MTA3: variants seen among roughly 807,000 people sequenced by gnomAD.
The protein encoded by MTA3 is metastasis-associated protein MTA3.
A neutral mutation model predicts 83.5 loss-of-function variants in MTA3; 34 were observed. That is an observed-to-expected ratio of 0.41 (90% CI 0.31 to 0.54). MTA3 has a LOEUF of 0.54. MTA3 is among the 20% of genes least tolerant of loss of function. The pLI is 0.33. For missense variants in MTA3, 761 were observed against 726.4 expected (o/e 1.05, Z -0.55); for synonymous variants, 303 against 252.7 (o/e 1.20, Z -1.89).
At chr2:42,596,025 A>T (rs1681750552) in intron 3 of MTA3, among the ~76,000 whole-genome samples, 1 of 152,234 alleles carries the variant, frequency 6.6e-6, no homozygotes, top group African/African-American at 2.4e-5. Context: ...AGGGAAAATA[A>T]AAGAACAATA....
chr2:42,753,625 C>T lies in MTA3; in HGVS notation c.*226C>T, dbSNP rs1020285033. 2 of 1,357,496 alleles carry T rather than the reference C, an allele frequency of 1.5e-6. No homozygotes were observed. The allele number at this position is 1,357,496 out of a possible 1,614,324, so 84.1% of individuals were successfully genotyped here. A position where few individuals can be genotyped will look rare whatever the true frequency, so the allele number is the denominator to read the frequency against. ...CAGCACCTCGCTTTCTTGTCAGAGACCTCGCTGTTACGGAGCGAGACCTGC... is the reference window on the plus strand; with the variant it reads ...CAGCACCTCGCTTTCTTGTCAGAGATCTCGCTGTTACGGAGCGAGACCTGC... On this transcript the variant is annotated 3_prime_UTR_variant, in exon 17 of 17. Coordinates refer to ENST00000405094, the MANE Select transcript of MTA3 (RefSeq NM_001330442.2).
chr2:42,695,888 T>G, intron 10 of MTA3, 49 bp downstream of exon 10: 1 of 1,222,608 alleles, frequency 8.2e-7, no homozygotes, highest in Non-Finnish European at 1.1e-6. Flanking sequence ...AAGTGAACTT[T>G]CTGTTTATAT....
intron 6 of MTA3, among the ~76,000 whole-genome samples, chr2:42,646,410 G>T (rs1688191273): frequency 6.6e-6 from 1 of 152,180 alleles, no homozygotes; most frequent in South Asian, 2.1e-4. Flanking sequence ...TCCTCTGATG[G>T]ATCTGAGTAG....
At chr2:42,731,213 G>T (rs900125724) in intron 16 of MTA3, among the ~76,000 whole-genome samples, 2 of 151,810 alleles carry the variant, frequency 1.3e-5, no homozygotes, top group Non-Finnish European at 2.9e-5. Flanking sequence ...TTTCTGCTCC[G>T]ATCTTTATTA....
chr2:42,513,777 C>G (rs967207900), intron 2 of MTA3, among the ~76,000 whole-genome samples: 1 of 152,228 alleles, frequency 6.6e-6, no homozygotes, highest in Non-Finnish European at 1.5e-5. Context: ...AAGTGCAGGA[C>G]TGCCACGCCT....
At chr2:42,742,317 T>G (rs551801795) in intron 16 of MTA3, among the ~76,000 whole-genome samples, 2 of 152,208 alleles carry the variant, frequency 1.3e-5, no homozygotes, top group African/African-American at 4.8e-5. Context: ...TTTTGTATTT[T>G]TAGTAGAGAC....
chr2:42,654,324 C>T (rs973591517), intron 6 of MTA3, among the ~76,000 whole-genome samples: 2 of 152,176 alleles, frequency 1.3e-5, no homozygotes, highest in African/African-American at 2.4e-5. Context: ...GGCCCATAGC[C>T]TGGGTTTGTC....
At chr2:42,593,580 C>G (rs1026848360) in intron 3 of MTA3, among the ~76,000 whole-genome samples, 3 of 152,106 alleles carry the variant, frequency 2.0e-5, no homozygotes, top group African/African-American at 7.2e-5. Flanking sequence ...TCATTATAAC[C>G]TTAAGGGACC....
Position 42,724,275 on chromosome 2 carries a change from AAAACACACACACACACAC to A in MTA3, c.1759+1242_1759+1259del, listed in dbSNP as rs1250169055. 1.0e-3 allele frequency among the ~76,000 whole-genome samples: 83 copies of A among 82,238 alleles called. 1 individual carries two copies. The highest frequency in any genetic ancestry group is 7.6e-3 in the South Asian group (18 of 2,370). The allele number at this position is 82,238 out of a possible 152,430, so 54.0% of individuals were successfully genotyped here. A position where few individuals can be genotyped will look rare whatever the true frequency, so the allele number is the denominator to read the frequency against. On this transcript the variant is annotated intron_variant, in intron 16 of 16. Coordinates refer to ENST00000405094, the MANE Select transcript of MTA3 (RefSeq NM_001330442.2). ...GTAGAAGGTATAAAGTAAGTCCTGA[AAAACACACACACACACAC>A]ACACACACACACACACACACACACA...
chr2:42,560,637 G>C (rs1365942289), intron 2 of MTA3, among the ~76,000 whole-genome samples: 1 of 151,712 alleles, frequency 6.6e-6, no homozygotes, highest in Non-Finnish European at 1.5e-5. Flanking sequence ...TGGCACGGTG[G>C]CTCACACCTG....
At chr2:42,498,518 T>C (rs1257477578) in intron 2 of MTA3, among the ~76,000 whole-genome samples, 1 of 152,178 alleles carries the variant, frequency 6.6e-6, no homozygotes, top group Non-Finnish European at 1.5e-5. Flanking sequence ...TCAGCAGGCT[T>C]GGGGGAAAAG....
At chr2:42,676,699 G>A (rs572797718) in intron 8 of MTA3, among the ~76,000 whole-genome samples, 11 of 152,206 alleles carry the variant, frequency 7.2e-5, no homozygotes, top group Non-Finnish European at 1.6e-4. Context: ...CCAGGAGGCA[G>A]ATGTTGCAGT....
intron 8 of MTA3, among the ~76,000 whole-genome samples, chr2:42,663,392 T>TTTG (rs1171269846): frequency 6.6e-6 from 1 of 152,246 alleles, no homozygotes; most frequent in Non-Finnish European, 1.5e-5. Flanking sequence ...AGGTTTGGTA[T>TTTG]TTGTTGTCAG....
intron 6 of MTA3, among the ~76,000 whole-genome samples, chr2:42,652,342 A>G (rs1264215103): frequency 6.6e-6 from 1 of 152,036 alleles, no homozygotes; most frequent in Non-Finnish European, 1.5e-5. Context: ...TTACTTCACT[A>G]ACGTAGATTT....
At chr2:42,534,695 A>G (rs1368455693) in intron 2 of MTA3, among the ~76,000 whole-genome samples, 1 of 152,204 alleles carries the variant, frequency 6.6e-6, no homozygotes, top group East Asian at 1.9e-4. Context: ...TAAGGAAAAA[A>G]ATAGTTTTGA....
intron 9 of MTA3, among the ~76,000 whole-genome samples, chr2:42,686,937 G>A (rs1692424816): frequency 6.6e-6 from 1 of 151,240 alleles, no homozygotes; most frequent in Non-Finnish European, 1.5e-5. Flanking sequence ...TGGCCAATAT[G>A]GTGAAACCCC....
chr2:42,549,355 A>G (rs1676972097), intron 2 of MTA3, among the ~76,000 whole-genome samples: 1 of 120,018 alleles, frequency 8.3e-6, no homozygotes, highest in East Asian at 2.3e-4. Context: ...TATATATTAC[A>G]TATATACGTA....
chr2:42,666,478 C>CA (rs2104392701), intron 8 of MTA3, among the ~76,000 whole-genome samples: 1 of 152,252 alleles, frequency 6.6e-6, no homozygotes, highest in South Asian at 2.1e-4. Context: ...GGACTCCAGC[C>CA]AGGCTGTACC....
intron 2 of MTA3, among the ~76,000 whole-genome samples, chr2:42,558,763 C>T (rs904421891): frequency 4.0e-5 from 6 of 151,764 alleles, no homozygotes; most frequent in African/African-American, 1.4e-4. Context: ...CCATATTGCC[C>T]AGGCTGGTCT....
Sources: gnomAD v4.1 joint callset for allele counts (sites outside exome capture counted in the v4.1 genomes callset) on GRCh38, gnomAD v4.1.1 for gene constraint, MANE v1.5 for transcripts, NCBI Gene and HGNC (gene_info 2026-07-23, HGNC 2026-07-21) for gene names.